TENT5D: variants seen among roughly 807,000 people sequenced by gnomAD.
TENT5D encodes terminal nucleotidyltransferase 5D, also known as cancer/testis antigen 112.
For missense variants in TENT5D, 191 were observed against 287.0 expected, an observed-to-expected ratio of 0.67 and a Z score of 2.42; for synonymous variants, 103 against 100.6, an observed-to-expected ratio of 1.02 and a Z score of -0.15.
chrX:80,383,259 C>G (rs184651917), intron 3 of TENT5D, among the ~76,000 whole-genome samples: 1 of 111,910 alleles, frequency 8.9e-6, no homozygotes, highest in Admixed American at 9.5e-5. Context: ...TTCTCATACC[C>G]TTTTCCAACT....
chrX:80,439,046 G>T lies in TENT5D; in HGVS notation c.-19+314G>T, dbSNP rs540959066. 4.7e-4 allele frequency among the ~76,000 whole-genome samples: 52 copies of T among 111,189 alleles called. 1 individual carries two copies. In the South Asian group the frequency reaches 0.018, roughly 39 times the overall value. On this transcript the variant is annotated intron_variant, in intron 2 of 2. Transcript: ENST00000308293. ...GGCATACTAATAGGTTAGGCTAGAT[G>T]GGAAAAATGTTAGCTTAAAGGATAA...
chrX:80,429,891 T>C (rs1441596762), intron 1 of TENT5D, among the ~76,000 whole-genome samples: 1 of 111,831 alleles, frequency 8.9e-6, no homozygotes, highest in Non-Finnish European at 1.9e-5. Context: ...TCTCTCAGCC[T>C]TTTTAAAAAG....
chrX:80,347,515 G>A (rs1286699555), intron 3 of TENT5D, among the ~76,000 whole-genome samples: 5 of 111,853 alleles, frequency 4.5e-5, no homozygotes, highest in Non-Finnish European at 9.4e-5. Context: ...TTTTGATGGG[G>A]TTGTTTGGTT....
intron 1 of TENT5D, among the ~76,000 whole-genome samples, chrX:80,422,945 A>C (rs967066683): frequency 8.9e-6 from 1 of 112,019 alleles, no homozygotes; most frequent in Non-Finnish European, 1.9e-5. Flanking sequence ...CGAGTTGTAC[A>C]GCATCCAGTG....
At chrX:80,386,698 A>T (rs774592182) in intron 3 of TENT5D, among the ~76,000 whole-genome samples, 1 of 111,867 alleles carries the variant, frequency 8.9e-6, no homozygotes, top group African/African-American at 3.2e-5. Context: ...ATCCTTGCCC[A>T]GTGTGGATTC....
intron 1 of TENT5D, among the ~76,000 whole-genome samples, chrX:80,437,267 G>T (rs966385491): frequency 1.8e-5 from 2 of 111,843 alleles, no homozygotes; most frequent in Non-Finnish European, 3.8e-5. Context: ...TAATGACTGG[G>T]TGAGGGATCT....
At position 80,410,818 on chromosome X, in the gene TENT5D, A is replaced by G. The variant is rs745593202; in HGVS notation, c.-141-27792A>G. On this transcript the variant is annotated intron_variant, in intron 3 of 4. Transcript: ENST00000538312. ...ACGTATGTTTATTGTGGCATTATTC[A>G]CAATAGCAAAGACTTGGAACCAACC... Among the ~76,000 whole-genome samples the G allele has an allele frequency of 3.7e-3, 400 of 108,357 alleles. 2 individuals carry two copies. Among genetic ancestry groups the G allele is most frequent in the African/African-American group, 0.013 (387 of 29,544 alleles). 94.1% of individuals were successfully genotyped at this position (108,357 alleles called of 115,157 possible). A position where few individuals can be genotyped will look rare whatever the true frequency, so the allele number is the denominator to read the frequency against.
intron 3 of TENT5D, among the ~76,000 whole-genome samples, chrX:80,409,715 A>C (rs1931597542): frequency 9.1e-6 from 1 of 109,999 alleles, no homozygotes; most frequent in South Asian, 4.0e-4. Flanking sequence ...CAAGCTACCA[A>C]TGACTTTCTT....
intron 3 of TENT5D, among the ~76,000 whole-genome samples, chrX:80,373,059 G>A (rs181434406): frequency 2.2e-3 from 241 of 110,376 alleles, no homozygotes; most frequent in African/African-American, 7.6e-3. Context: ...ATACCTACAC[G>A]ACTGTCACTA....
intron 3 of TENT5D, among the ~76,000 whole-genome samples, chrX:80,410,596 A>G (rs1175754870): frequency 3.0e-5 from 3 of 101,524 alleles, no homozygotes; most frequent in Non-Finnish European, 6.0e-5. Context: ...AGGAAACAAC[A>G]GGTTCTGGAG....
At chrX:80,372,480 G>T (rs1930640709) in intron 3 of TENT5D, among the ~76,000 whole-genome samples, 2 of 111,719 alleles carry the variant, frequency 1.8e-5, no homozygotes, top group African/African-American at 6.5e-5. Context: ...ATGAAGAGAA[G>T]TCTTTATTGT....
rs147776684 is a variant in TENT5D at position 80,363,665 on chromosome X, T to G, written c.-142+21101T>G. 5.6e-3 allele frequency among the ~76,000 whole-genome samples: 628 copies of G among 112,289 alleles called. 9 individuals are homozygous for G. Among genetic ancestry groups the G allele is most frequent in the African/African-American group, 0.019 (588 of 30,999 alleles). ...TTTCCATAACATACTGTTCTTGTTT[T>G]ACTCCTGACTCTGCCCATGCCTTCT... On this transcript the variant is annotated intron_variant, in intron 3 of 4. Transcript: ENST00000538312.
At chrX:80,430,368 A>G (rs1932065583) in intron 1 of TENT5D, among the ~76,000 whole-genome samples, 1 of 111,340 alleles carries the variant, frequency 9.0e-6, no homozygotes, top group Non-Finnish European at 1.9e-5. Flanking sequence ...GGAGCCGATG[A>G]TATGACTGCT....
intron 3 of TENT5D, among the ~76,000 whole-genome samples, chrX:80,390,933 T>C (rs1931112635): frequency 8.9e-6 from 1 of 111,990 alleles, no homozygotes; most frequent in Non-Finnish European, 1.9e-5. Context: ...ACCAAAAATA[T>C]TCCTTTATCA....
intron 3 of TENT5D, among the ~76,000 whole-genome samples, chrX:80,375,149 A>G (rs1166508655): frequency 3.6e-5 from 4 of 110,580 alleles, no homozygotes; most frequent in Non-Finnish European, 7.6e-5. Context: ...CTTTTCTGGA[A>G]TATTCACTTC....
Position 80,429,867 on chromosome X carries a change from G to A in TENT5D, c.-141-8743G>A, listed in dbSNP as rs752580693. ...ATTGAATTACGAGATAGGGAGGTGTGTTTCACTAAAGCTTCTCTCAGCCTT... is the reference window on the plus strand; with the variant it reads ...ATTGAATTACGAGATAGGGAGGTGTATTTCACTAAAGCTTCTCTCAGCCTT... On this transcript the variant is annotated intron_variant, in intron 1 of 2. Transcript: ENST00000308293. Among the ~76,000 whole-genome samples, 12 of 111,484 alleles carry A rather than the reference G, an allele frequency of 1.1e-4. No individual in the cohort carries two copies. The South Asian group carries it at 4.2e-3, about 39-fold the overall frequency.
intron 3 of TENT5D, among the ~76,000 whole-genome samples, chrX:80,342,989 T>A (rs1174656331): frequency 9.0e-6 from 1 of 110,833 alleles, no homozygotes; most frequent in Non-Finnish European, 1.9e-5. Context: ...TCATTACAAC[T>A]CTCTGGATAC....
chrX:80,358,384 C>T (rs1306023200), intron 3 of TENT5D, among the ~76,000 whole-genome samples: 1 of 111,545 alleles, frequency 9.0e-6, no homozygotes, highest in African/African-American at 3.3e-5. Flanking sequence ...AGGAAACCTA[C>T]AGAATGGGAG....
chrX:80,418,694 C>A (rs1931826111), upstream of TENT5D, among the ~76,000 whole-genome samples: 2 of 111,455 alleles, frequency 1.8e-5, no homozygotes, highest in Admixed American at 9.6e-5. Flanking sequence ...ATTTTTAAAT[C>A]TTTATAAAAA....
Sources: gnomAD v4.1 joint callset for allele counts (sites outside exome capture counted in the v4.1 genomes callset) on GRCh38, gnomAD v4.1.1 for gene constraint, MANE v1.5 for transcripts, NCBI Gene and HGNC (gene_info 2026-07-23, HGNC 2026-07-21) for gene names.